EXOC6: variants seen among roughly 807,000 people sequenced by gnomAD.
EXOC6 encodes exocyst complex component 6.
Under a neutral mutation model 112.5 loss-of-function variants are expected in EXOC6, and 60 were observed. The ratio of observed to expected loss-of-function variants is 0.53; its 90% CI spans 0.43 to 0.66. The LOEUF is 0.66. Ranked by LOEUF, EXOC6 falls within the 30% of genes least tolerant of loss-of-function variation. EXOC6 has a pLI of 0.00. For synonymous variants in EXOC6, 295 were observed against 308.0 expected, an observed-to-expected ratio of 0.96 and a Z score of 0.44; for missense variants, 855 against 957.1, an observed-to-expected ratio of 0.89 and a Z score of 1.41.
At chr10:93,016,979 A>AT (rs139103654) in intron 20 of EXOC6, among the ~76,000 whole-genome samples, 19,477 of 151,084 alleles carry the variant, frequency 0.13, 1,399 homozygotes, top group African/African-American at 0.18. Context: ...AGCCCAGCTA[A>AT]TTTTTTTTGT....
At chr10:92,976,473 G>A (rs911428319) in intron 18 of EXOC6, among the ~76,000 whole-genome samples, 1 of 151,590 alleles carries the variant, frequency 6.6e-6, no homozygotes, top group Non-Finnish European at 1.5e-5. Flanking sequence ...CAGCATGCTC[G>A]TTAAGAGTCA....
At chr10:92,898,429 CAAA>C (rs11187205) in intron 4 of EXOC6, among the ~76,000 whole-genome samples, 3 of 137,280 alleles carry the variant, frequency 2.2e-5, no homozygotes, top group Admixed American at 7.4e-5. Flanking sequence ...GACCTTGTCT[CAAA>C]AAAAAAAAAA....
chr10:93,054,092 A>T (rs1307712432), intron 20 of EXOC6, among the ~76,000 whole-genome samples: 3 of 152,200 alleles, frequency 2.0e-5, no homozygotes, highest in African/African-American at 7.2e-5. Context: ...TAGCTTCCTC[A>T]TGTGTTACTG....
chr10:93,047,405 G>A (rs765691852), intron 20 of EXOC6, among the ~76,000 whole-genome samples: 21 of 152,046 alleles, frequency 1.4e-4, no homozygotes, highest in Non-Finnish European at 2.4e-4. Flanking sequence ...GCATGGGGGC[G>A]TGTGCCTGTA....
intron 1 of EXOC6, among the ~76,000 whole-genome samples, chr10:92,866,984 ATAGTT>A (rs1415729546): frequency 1.3e-5 from 2 of 152,170 alleles, no homozygotes; most frequent in African/African-American, 2.4e-5. Context: ...AAGAGACTTT[ATAGTT>A]TAAACTATTA....
chr10:93,037,088 A>G (rs1268904607), intron 20 of EXOC6, among the ~76,000 whole-genome samples: 2 of 151,890 alleles, frequency 1.3e-5, no homozygotes, highest in African/African-American at 2.4e-5. Context: ...ACAAGGAGCT[A>G]TATCTTTTCT....
intron 1 of EXOC6, among the ~76,000 whole-genome samples, 173 bp downstream of exon 1, chr10:92,848,807 GA>G (rs1296923368): frequency 1.3e-5 from 2 of 151,930 alleles, no homozygotes; most frequent in African/African-American, 4.8e-5. Context: ...ACCCGGGCGG[GA>G]CCGAGAAGGC....
At chr10:92,940,852 T>C (rs1243024853) in intron 13 of EXOC6, 28 bp downstream of exon 13, 5 of 1,382,606 alleles carry the variant, frequency 3.6e-6, no homozygotes, top group Non-Finnish European at 5.1e-6. Flanking sequence ...TGCCTTAATA[T>C]AATGAATATG....
intron 17 of EXOC6, among the ~76,000 whole-genome samples, chr10:92,966,024 T>C (rs1303506106): frequency 1.3e-5 from 2 of 152,046 alleles, no homozygotes; most frequent in African/African-American, 4.8e-5. Context: ...TTAAAAAATA[T>C]TAGGTACCCT....
intron 7 of EXOC6, among the ~76,000 whole-genome samples, chr10:92,916,511 AAAAG>A (rs2133894660): frequency 6.6e-6 from 1 of 152,306 alleles, no homozygotes; most frequent in East Asian, 1.9e-4. Context: ...CCTTGTCTCA[AAAAG>A]AAGAAAAAAA....
chr10:92,997,693 G>C (rs968954457), intron 19 of EXOC6, 78 bp downstream of exon 19: 25 of 1,325,648 alleles, frequency 1.9e-5, no homozygotes, highest in South Asian at 3.6e-5. Context: ...TATTTAGCAG[G>C]ATAGTTCAGA....
chr10:93,047,948 AAAAC>A (rs957410556), intron 20 of EXOC6, among the ~76,000 whole-genome samples: 35 of 152,334 alleles, frequency 2.3e-4, no homozygotes, highest in African/African-American at 6.5e-4. Context: ...TCCATCTCAA[AAAAC>A]AAACAAACAA....
intron 13 of EXOC6, among the ~76,000 whole-genome samples, chr10:92,947,220 C>T (rs1231675756): frequency 1.3e-5 from 2 of 152,148 alleles, no homozygotes; most frequent in Non-Finnish European, 2.9e-5. Flanking sequence ...CAGAAACCCA[C>T]GATAGGTTTC....
chr10:92,832,972 A>G (rs775939898), upstream of EXOC6, among the ~76,000 whole-genome samples: 1 of 152,206 alleles, frequency 6.6e-6, no homozygotes, highest in Non-Finnish European at 1.5e-5. Context: ...ACTTTAAGAT[A>G]GATTGAAAAT....
At chr10:93,034,264 G>T (rs1263527169) in intron 20 of EXOC6, among the ~76,000 whole-genome samples, 1 of 152,156 alleles carries the variant, frequency 6.6e-6, no homozygotes, top group Non-Finnish European at 1.5e-5. Flanking sequence ...CAGTGGCATC[G>T]CTATGCCAGG....
chr10:92,973,456 A>G (rs1360630527), intron 17 of EXOC6, among the ~76,000 whole-genome samples: 1 of 152,226 alleles, frequency 6.6e-6, no homozygotes. Context: ...GAGTTCTGAA[A>G]AGGTTGATTT....
At chr10:92,861,311 A>G (rs1043408765) in intron 1 of EXOC6, among the ~76,000 whole-genome samples, 18 of 152,174 alleles carry the variant, frequency 1.2e-4, no homozygotes, top group African/African-American at 3.9e-4. Context: ...TTGCTTTAAG[A>G]GCATGGTGCT....
At position 93,041,260 on chromosome 10, in the gene EXOC6, C is replaced by CTATGT. The variant is rs537108383; in HGVS notation, c.2170-15663_2170-15659dup. On this transcript the variant is annotated intron_variant, in intron 20 of 21. Transcript: ENST00000260762. The stretch of plus-strand genomic sequence containing the variant: ...ATTCATCATTTTCTCTCTATCCCAA[C>CTATGT]TATGTACCTGTCTGTCCCAATGTAT... 2.0e-4 allele frequency among the ~76,000 whole-genome samples: 30 copies of CTATGT among 152,282 alleles called. No individual in the cohort carries two copies. In the East Asian group the frequency reaches 5.4e-3, roughly 27 times the overall value.
intron 19 of EXOC6, among the ~76,000 whole-genome samples, chr10:93,011,430 T>G (rs1003103561): frequency 6.6e-6 from 1 of 151,980 alleles, no homozygotes; most frequent in Non-Finnish European, 1.5e-5. Context: ...TGGCTAATTT[T>G]AATTTTTTTT....
Sources: allele counts gnomAD v4.1 joint callset (sites outside exome capture counted in the v4.1 genomes callset), GRCh38; gene constraint gnomAD v4.1.1; transcripts MANE v1.5; gene names NCBI Gene and HGNC (gene_info 2026-07-23, HGNC 2026-07-21).